Variants in PDE3B observed in about 807,000 individuals in gnomAD.
The protein encoded by PDE3B is phosphodiesterase 3B.
A neutral mutation model predicts 116.8 loss-of-function variants in PDE3B; 66 were observed. The ratio of observed to expected loss-of-function variants is 0.56; its 90% confidence interval spans 0.46 to 0.69. PDE3B has a LOEUF of 0.69. Among genes scored for constraint, PDE3B ranks in the 30% least tolerant of loss-of-function variants. The probability of loss-of-function intolerance (pLI) is 0.00; values close to 1 mark genes in which losing one functional copy is unlikely to be tolerated. For synonymous variants in PDE3B, 595 were observed against 533.6 expected (o/e 1.12, Z -1.59); for missense variants, 1,384 against 1,368.1 (o/e 1.01, Z -0.18).
chr11:14,809,365 G>A (rs889590187), intron 5 of PDE3B, among the ~76,000 whole-genome samples: 1 of 152,184 alleles, frequency 6.6e-6, no homozygotes, highest in Non-Finnish European at 1.5e-5. Context: ...TAAACAAAAC[G>A]TGGCTTAACC....
Position 14,651,471 on chromosome 11 carries a change from C to T in PDE3B, c.978+6418C>T, listed in dbSNP as rs181223819. The stretch of plus-strand genomic sequence containing the variant: ...AGGTAGAAACAGAAAACTAAAGCTA[C>T]GTAAAATTGAATTGTTTTTCAAAAT... On this transcript the variant is annotated intron_variant, in intron 1 of 15. Transcript: ENST00000282096. Among the ~76,000 whole-genome samples the T allele has an allele frequency of 5.3e-5, 8 of 152,180 alleles. No individual in the cohort carries two copies. The East Asian group carries it at 9.6e-4, about 18-fold the overall frequency.
intron 5 of PDE3B, among the ~76,000 whole-genome samples, chr11:14,808,149 C>G (rs1180463965): frequency 6.6e-6 from 1 of 151,430 alleles, no homozygotes; most frequent in Non-Finnish European, 1.5e-5. Context: ...TCTAGGAAAC[C>G]ATGCTTAAAA....
intron 1 of PDE3B, among the ~76,000 whole-genome samples, chr11:14,680,207 C>G (rs906366547): frequency 6.6e-6 from 1 of 152,212 alleles, no homozygotes; most frequent in Non-Finnish European, 1.5e-5. Flanking sequence ...AGGCCTAGTA[C>G]TAAGCCCTCC....
At chr11:14,730,557 T>C (rs1784779846) in intron 1 of PDE3B, among the ~76,000 whole-genome samples, 1 of 152,230 alleles carries the variant, frequency 6.6e-6, no homozygotes, top group Non-Finnish European at 1.5e-5. Flanking sequence ...ACACATGATA[T>C]TACTCTGGAT....
At chr11:14,818,131 C>A (rs1859389134) in intron 5 of PDE3B, 52 bp from the exon 6 acceptor site, 1 of 1,126,512 alleles carries the variant, frequency 8.9e-7, no homozygotes, top group South Asian at 1.4e-5. Flanking sequence ...AATAAACATA[C>A]ACACATAAAT....
In PDE3B at chr11:14,854,400, A is replaced by C. The variant is rs531729672; in HGVS notation, c.2521-4643A>C. Among the ~76,000 whole-genome samples, 3 of 152,296 alleles carry C rather than the reference A, an allele frequency of 2.0e-5. No homozygotes were observed. In the South Asian group the frequency reaches 6.2e-4, roughly 32 times the overall value. ...GCTGGCACCCATTATTCTAAAGCAA[A>C]ACTTGCTAGGTAACAAACCCTATCC... On this transcript the variant is annotated intron_variant, in intron 12 of 15. Coordinates refer to ENST00000282096, the MANE Select transcript of PDE3B (RefSeq NM_000922.4).
chr11:14,669,114 C>T (rs1854284036), intron 1 of PDE3B, among the ~76,000 whole-genome samples: 1 of 152,120 alleles, frequency 6.6e-6, no homozygotes, highest in South Asian at 2.1e-4. Flanking sequence ...GCCGTTATCA[C>T]CTTTAGACAT....
At chr11:14,754,086 G>T (rs1857123479) in intron 1 of PDE3B, among the ~76,000 whole-genome samples, 1 of 152,020 alleles carries the variant, frequency 6.6e-6, no homozygotes, top group African/African-American at 2.4e-5. Context: ...ATATGAGTAT[G>T]TGATGAGGCT....
chr11:14,869,078 A>G (rs532551391), intron 15 of PDE3B, among the ~76,000 whole-genome samples: 1 of 152,302 alleles, frequency 6.6e-6, no homozygotes, highest in Non-Finnish European at 1.5e-5. Context: ...TTCAATACAT[A>G]AGAATGCCCT....
In PDE3B at chr11:14,674,158, G is replaced by A. The variant is rs981233417; in HGVS notation, c.978+29105G>A. 354 of 1,327,570 alleles carry A rather than the reference G, an allele frequency of 2.7e-4. 2 individuals are homozygous for A. The highest frequency in any genetic ancestry group is 3.5e-4 in the Non-Finnish European group (323 of 921,376). 82.2% of individuals were successfully genotyped at this position (1,327,570 alleles called of 1,614,324 possible). A position where few individuals can be genotyped will look rare whatever the true frequency, so the allele number is the denominator to read the frequency against. On this transcript the variant is annotated intron_variant, in intron 1 of 15. Transcript: ENST00000282096. Reference sequence around the variant, plus strand: ...ATCTACCCGGGTCCTTTTCTTCCGAGGAGGCCAAGGAGTCTCACTGGTACT... The same window carrying A: ...ATCTACCCGGGTCCTTTTCTTCCGAAGAGGCCAAGGAGTCTCACTGGTACT...
Position 14,751,222 on chromosome 11 carries a change from A to T in PDE3B, c.979-20715A>T, listed in dbSNP as rs573934870. On this transcript the variant is annotated intron_variant, in intron 1 of 15. Transcript: ENST00000282096. ...TTATGTCATTTATAGTAATATTTTT[A>T]AAAATGTTATAGAAGTTAGAATTTT... 5.8e-4 allele frequency among the ~76,000 whole-genome samples: 89 copies of T among 152,288 alleles called. 1 individual carries two copies. Among genetic ancestry groups the T allele is most frequent in the African/African-American group, 2.0e-3 (83 of 41,574 alleles).
intron 1 of PDE3B, among the ~76,000 whole-genome samples, chr11:14,750,515 T>A (rs533639697): frequency 6.6e-6 from 1 of 152,192 alleles, no homozygotes; most frequent in Middle Eastern, 3.4e-3. Flanking sequence ...TCATTGGTTC[T>A]TAATGTGAAT....
chr11:14,818,159 T>G, intron 5 of PDE3B, 24 bp from the exon 6 acceptor site: 1 of 1,435,238 alleles, frequency 7.0e-7, no homozygotes, highest in East Asian at 2.3e-5. Context: ...TATTTATCTA[T>G]CTCCTTTCTT....
At chr11:14,854,622 A>G (rs782533051) in intron 12 of PDE3B, among the ~76,000 whole-genome samples, 62 of 151,530 alleles carry the variant, frequency 4.1e-4, no homozygotes, top group Non-Finnish European at 6.0e-4. Flanking sequence ...GGTTCAAGAG[A>G]TTCTCCTGCT....
chr11:14,752,446 T>G (rs1285411011), intron 1 of PDE3B, among the ~76,000 whole-genome samples: 1 of 152,150 alleles, frequency 6.6e-6, no homozygotes, highest in East Asian at 1.9e-4. Flanking sequence ...GAAAATTCCT[T>G]TTGTTGTCTC....
At chr11:14,661,237 G>A (rs538582553) in intron 1 of PDE3B, among the ~76,000 whole-genome samples, 2 of 152,338 alleles carry the variant, frequency 1.3e-5, no homozygotes, top group South Asian at 4.1e-4. Context: ...TATTGTGGCA[G>A]TATTCACAAT....
At chr11:14,878,278 T>C in the PDE3B span, 1 of 1,613,012 alleles carries the variant, frequency 6.2e-7, no homozygotes, top group Non-Finnish European at 8.5e-7. Flanking sequence ...CCAAGTGTTC[T>C]CCAAGACAAT....
chr11:14,693,948 T>C (rs1204328625), intron 1 of PDE3B, among the ~76,000 whole-genome samples: 1 of 152,128 alleles, frequency 6.6e-6, no homozygotes, highest in Non-Finnish European at 1.5e-5. Context: ...TTGTGATTCA[T>C]GGGAGGAGAT....
chr11:14,822,110 C>T (rs974591371), intron 7 of PDE3B, among the ~76,000 whole-genome samples: 8 of 151,920 alleles, frequency 5.3e-5, no homozygotes, highest in African/African-American at 1.7e-4. Flanking sequence ...GCTCTGTTGC[C>T]CAGGCCAGTC....
Sources: allele counts gnomAD v4.1 joint callset (sites outside exome capture counted in the v4.1 genomes callset), GRCh38; gene constraint gnomAD v4.1.1; transcripts MANE v1.5; gene names NCBI Gene and HGNC (gene_info 2026-07-23, HGNC 2026-07-21).